Variants in PTBP1 observed in about 807,000 individuals in gnomAD.
The protein encoded by PTBP1 is polypyrimidine tract-binding protein 1.
A neutral mutation model predicts 59.8 loss-of-function variants in PTBP1; 8 were observed. The observed-to-expected ratio is 0.13, with a 90% CI of 0.08 to 0.24. PTBP1 has a LOEUF of 0.24. Ranked by LOEUF, PTBP1 falls within the 10% of genes least tolerant of loss-of-function variation. PTBP1 has a pLI of 1.00. For missense variants in PTBP1, 686 were observed against 767.0 expected (o/e 0.89, Z 1.25); for synonymous variants, 490 against 320.7 (o/e 1.53, Z -5.64).
At position 804,151 on chromosome 19, in the gene PTBP1, C is replaced by T. The variant is rs1022595793; in HGVS notation, c.231C>T (p.Ser77=). 4 of 1,613,080 alleles carry T rather than the reference C, an allele frequency of 2.5e-6. No individual in the cohort carries two copies. Among genetic ancestry groups the T allele is most frequent in the African/African-American group, 1.3e-5 (1 of 75,020 alleles). Residue 77 remains serine, a synonymous_variant, in exon 4 of 15, where the codon TCC becomes TCT. Transcript: ENST00000356948. The part of the protein sequence containing the change: ...PIDVTEGEVI[S]LGLPFGKVTN... ...ACGTCACGGAGGGGGAAGTCATCTC[C>T]CTGGGGCTGCCCTTTGGGAAGGTCA...
At position 804,881 on chromosome 19, in the gene PTBP1, A is replaced by G. The variant is rs753929820; in HGVS notation, c.659A>G (p.Asn220Ser). 1.2e-6 allele frequency: 2 copies of G among 1,613,816 alleles called. No homozygotes were observed. Among genetic ancestry groups the G allele is most frequent in the South Asian group, 1.1e-5 (1 of 91,084 alleles). Residue 220 changes from asparagine to serine, a missense_variant, in exon 7 of 15, where the codon AAC (asparagine) becomes AGC (serine). Coordinates refer to ENST00000356948, the MANE Select transcript of PTBP1 (RefSeq NM_002819.5). ...AAGATCATCACCTTCACCAAGAACA[A>G]CCAGTTCCAGGCCCTGCTGCAGTAT... Reference protein sequence around the residue: ...VLKIITFTKNNQFQALLQYAD... With the variant: ...VLKIITFTKNSQFQALLQYAD...
intron 10 of PTBP1, chr19:807,152 T>A (rs1352207350): frequency 2.6e-5 from 4 of 152,358 alleles, no homozygotes; most frequent in African/African-American, 9.6e-5. Flanking sequence ...CAGGACGCAC[T>A]CCCTGCCTGT....
intron 13 of PTBP1, 46 bp from the exon 14 acceptor site, chr19:810,497 C>T (rs1186991543): frequency 3.2e-6 from 5 of 1,565,170 alleles, no homozygotes; most frequent in African/African-American, 1.4e-5. Flanking sequence ...GACTGGGCGC[C>T]CCCACCCCCA....
Position 808,680 on chromosome 19 carries a change from C to T in PTBP1, c.1381C>T (p.Leu461=). The change falls in exon 13 of 15, where the codon CTG becomes TTG. Residue 461 remains leucine (L), a synonymous_variant. Transcript: ENST00000356948. This position sits in a 1 kb window ranked among gnomAD's most constrained non-coding sequence, Gnocchi z 4.7. Reference sequence around the variant, plus strand: ...GACCAAGGACTACGGCAACTCACCCCTGCACCGCTTCAAGAAGCCGGGCTC... The same window carrying T: ...GACCAAGGACTACGGCAACTCACCCTTGCACCGCTTCAAGAAGCCGGGCTC... ...GLTKDYGNSP[L]HRFKKPGSKN... The T allele has an allele frequency of 3.1e-6, 5 of 1,612,970 alleles. No homozygotes were observed. Among genetic ancestry groups the T allele is most frequent in the East Asian group, 2.2e-5 (1 of 44,836 alleles).
chr19:809,092 T>G (rs1417047037), intron 13 of PTBP1, among the ~76,000 whole-genome samples: 1 of 151,922 alleles, frequency 6.6e-6, no homozygotes, highest in Admixed American at 6.6e-5. Context: ...CACTGCAACC[T>G]CCGCCTCTTG....
chr19:799,708 C>G (rs1005945747), intron 2 of PTBP1, among the ~76,000 whole-genome samples: 1 of 152,218 alleles, frequency 6.6e-6, no homozygotes, highest in East Asian at 1.9e-4. Flanking sequence ...GCAGCGAGGG[C>G]TCTGTGTGCC....
rs1441782899 is a variant in PTBP1, at chr19:804,492, A to G, written c.436-40A>G. ...GCCCGGGGACCTCGGGGGTGGGCCC[A>G]GCCGCAGGGGCCGGGGACTCACGGC... On this transcript the variant is annotated intron_variant, in intron 5 of 14. Transcript: ENST00000356948. 6 of 1,594,076 alleles carry G rather than the reference A, an allele frequency of 3.8e-6. No individual in the cohort carries two copies. The South Asian group carries it at 5.6e-5, about 15-fold the overall frequency.
chr19:807,962 CCT>C (rs1443848894), intron 11 of PTBP1, 60 bp downstream of exon 11: 2 of 1,457,712 alleles, frequency 1.4e-6, no homozygotes, highest in Non-Finnish European at 9.6e-7. Flanking sequence ...ATTTTGATGC[CCT>C]GAGACGTATT....
chr19:806,375 C>T (rs369860100), intron 9 of PTBP1, 33 bp from the exon 10 acceptor site: 85 of 1,572,126 alleles, frequency 5.4e-5, no homozygotes, highest in Non-Finnish European at 5.7e-5. Flanking sequence ...GAGTCGGGGG[C>T]GCCGCCGCTC....
intron 9 of PTBP1, 171 bp downstream of exon 9, chr19:805,740 A>AGTG: frequency 4.6e-6 from 3 of 647,114 alleles, no homozygotes; most frequent in Non-Finnish European, 8.2e-6. Flanking sequence ...TGGCCAGGGC[A>AGTG]GTGGTAGGAC....
Position 804,055 on chromosome 19 carries a change from G to A in PTBP1, c.135G>A (p.Lys45=). The A allele has an allele frequency of 6.2e-7, 1 of 1,614,000 alleles. No individual in the cohort carries two copies. The highest frequency in any genetic ancestry group is 8.5e-7 in the Non-Finnish European group (1 of 1,179,986). The change falls in exon 4 of 15, where the codon AAG becomes AAA. Residue 45 remains lysine (K), a synonymous_variant. Coordinates refer to ENST00000356948, the MANE Select transcript of PTBP1 (RefSeq NM_002819.5). ...SASAANGNDS[K]KFKGDSRSAG... ...TTTCAGCAAACGGAAATGACAGCAA[G>A]AAGTTCAAAGGTGACAGCCGAAGTG... is the stretch of plus-strand genomic sequence containing the variant.
chr19:804,992 T>TCAC (rs758179396), intron 7 of PTBP1, 21 bp from the exon 8 acceptor site: 1 of 1,612,618 alleles, frequency 6.2e-7, no homozygotes, highest in South Asian at 1.1e-5. Flanking sequence ...CGGCGACGTC[T>TCAC]CACGGTCCCT....
At chr19:802,203 T>G (rs2034363758) in intron 2 of PTBP1, among the ~76,000 whole-genome samples, 1 of 151,982 alleles carries the variant, frequency 6.6e-6, no homozygotes, top group African/African-American at 2.4e-5. Context: ...GGTGCCGGAG[T>G]CTCCCGAGGC....
intron 2 of PTBP1, among the ~76,000 whole-genome samples, chr19:801,551 C>T (rs1168444071): frequency 1.3e-5 from 2 of 152,246 alleles, no homozygotes; most frequent in African/African-American, 2.4e-5. Flanking sequence ...AAGGTTTGTG[C>T]AGCCAGCACA....
At chr19:805,446 C>T (rs745654530) in intron 8 of PTBP1, 46 bp from the exon 9 acceptor site, 6 of 1,549,174 alleles carry the variant, frequency 3.9e-6, no homozygotes, top group East Asian at 4.5e-5. Context: ...CGCCCGCTCG[C>T]GGTGGAGGTT....
chr19:807,732 T>C (rs1400562318), intron 10 of PTBP1, 137 bp from the exon 11 acceptor site: 1 of 679,388 alleles, frequency 1.5e-6, no homozygotes, highest in Non-Finnish European at 2.6e-6. Flanking sequence ...AATATTAACA[T>C]CCTGACAACT....
At chr19:805,965 C>A in intron 9 of PTBP1, 1 of 262,028 alleles carries the variant, frequency 3.8e-6, no homozygotes. Flanking sequence ...CGTGGCCGTC[C>A]TCCCGCTTCC....
intron 2 of PTBP1, 68 bp downstream of exon 2, chr19:799,511 C>G: frequency 2.6e-6 from 4 of 1,530,046 alleles, no homozygotes; most frequent in Non-Finnish European, 3.6e-6. Flanking sequence ...GGGGCCACCC[C>G]CCAGCGCTGT....
Position 806,396 on chromosome 19 carries a change from C to G in PTBP1, c.971-12C>G, listed in dbSNP as rs780182098. 11 of 1,597,308 alleles carry G rather than the reference C, an allele frequency of 6.9e-6. No homozygotes were observed. Among genetic ancestry groups the G allele is most frequent in the Non-Finnish European group, 8.5e-6 (10 of 1,172,816 alleles). On this transcript the variant is annotated splice_polypyrimidine_tract_variant and intron_variant, in intron 9 of 14. Transcript: ENST00000356948. The stretch of plus-strand genomic sequence containing the variant: ...GGGGCGCCGCCGCTCATCTCACCTC[C>G]TGCTTTTCCAGGCCTTTCCGTTCCG...
Sources: allele counts gnomAD v4.1 joint callset (sites outside exome capture counted in the v4.1 genomes callset), GRCh38; gene constraint gnomAD v4.1.1; non-coding constraint Gnocchi (gnomAD v3.1); transcripts MANE v1.5; gene names NCBI Gene and HGNC (gene_info 2026-07-23, HGNC 2026-07-21).